Variants in UBE3C observed in about 807,000 individuals in gnomAD.
The protein encoded by UBE3C is ubiquitin-protein ligase E3C.
Under a neutral mutation model 129.4 loss-of-function variants are expected in UBE3C, and 42 were observed. The ratio of observed to expected loss-of-function variants is 0.32; its 90% CI spans 0.25 to 0.42. UBE3C has a LOEUF of 0.42. UBE3C is among the 10% of genes least tolerant of loss of function. The pLI is 1.00. For missense variants in UBE3C, 1,049 were observed against 1,319.1 expected (o/e 0.80, Z 3.17); for synonymous variants, 510 against 492.4 (o/e 1.04, Z -0.47).
At chr7:157,238,567 A>G (rs139589475) in intron 18 of UBE3C, among the ~76,000 whole-genome samples, 1,555 of 152,256 alleles carry the variant, frequency 0.01, 25 homozygotes, top group African/African-American at 0.035. Context: ...CATGCTGACT[A>G]AGCTGGGAAA....
chr7:157,160,090 T>C (rs1808027652), intron 1 of UBE3C, among the ~76,000 whole-genome samples: 1 of 152,066 alleles, frequency 6.6e-6, no homozygotes. Flanking sequence ...CTTTTTTTTT[T>C]CTGAGATGGA....
chr7:157,267,134 C>A (rs4262225), intron 22 of UBE3C, among the ~76,000 whole-genome samples: 6,897 of 152,120 alleles, frequency 0.045, 373 homozygotes, highest in African/African-American at 0.12. Context: ...TTTAAAAAAG[C>A]AAATGTGGGC....
chr7:157,183,867 G>A lies in UBE3C; in HGVS notation c.992-11G>A. 6.2e-7 allele frequency: 1 copy of A among 1,607,280 alleles called. No homozygotes were observed. Among genetic ancestry groups the A allele is most frequent in the South Asian group, 1.1e-5 (1 of 90,672 alleles). ...TAACTAAAATACGTTTTAACTGATTGTTTTGCAAAGGGGCCCTCTCTGAGG... is the reference window on the plus strand; with the variant it reads ...TAACTAAAATACGTTTTAACTGATTATTTTGCAAAGGGGCCCTCTCTGAGG... On this transcript the variant is annotated splice_polypyrimidine_tract_variant and intron_variant, in intron 8 of 22. Transcript: ENST00000348165.
In UBE3C at chr7:157,175,137, C is replaced by CTTTTTTTTTTTTTT. The variant is rs56852731; in HGVS notation, c.458+111_458+124dup. 7.4e-4 allele frequency: 188 copies of CTTTTTTTTTTTTTT among 252,740 alleles called. 5 individuals are homozygous for CTTTTTTTTTTTTTT. Among genetic ancestry groups the CTTTTTTTTTTTTTT allele is most frequent in the Middle Eastern group, 1.2e-3 (1 of 828 alleles). 15.7% of individuals were successfully genotyped at this position (252,740 alleles called of 1,614,324 possible). ...TTTCAGAGACAGTGGCTTTTCCATA[C>CTTTTTTTTTTTTTT]TTTTTTTTTTTTTTTTTTTTTGAGG... is the stretch of plus-strand genomic sequence containing the variant. On this transcript the variant is annotated intron_variant, in intron 5 of 22. Transcript: ENST00000348165.
chr7:157,190,238 A>G (rs1337849245), intron 10 of UBE3C, among the ~76,000 whole-genome samples: 2 of 152,180 alleles, frequency 1.3e-5, no homozygotes, highest in Non-Finnish European at 2.9e-5. Flanking sequence ...TACCTGCTTA[A>G]TAGGAGATGT....
At chr7:157,163,699 T>A in intron 1 of UBE3C, 111 bp from the exon 2 acceptor site, 1 of 1,150,700 alleles carries the variant, frequency 8.7e-7, no homozygotes, top group Non-Finnish European at 1.3e-6. Flanking sequence ...GACAGCTTGT[T>A]TGGATGATCT....
intron 1 of UBE3C, among the ~76,000 whole-genome samples, chr7:157,150,766 A>G (rs73743210): frequency 0.014 from 2,062 of 152,344 alleles, 39 homozygotes; most frequent in African/African-American, 0.047. Flanking sequence ...TGAACAGTAA[A>G]GATAGCTAGT....
chr7:157,172,414 A>G (rs973263565), intron 4 of UBE3C, among the ~76,000 whole-genome samples: 1 of 152,230 alleles, frequency 6.6e-6, no homozygotes, highest in Non-Finnish European at 1.5e-5. Flanking sequence ...GGGAGTATAC[A>G]GTGAAAAATA....
At chr7:157,148,806 C>T (rs915212965) in intron 1 of UBE3C, among the ~76,000 whole-genome samples, 2 of 141,324 alleles carry the variant, frequency 1.4e-5, no homozygotes, top group Non-Finnish European at 3.1e-5. Flanking sequence ...TAGCTATTCA[C>T]AGGCATGATC....
At chr7:157,207,087 T>A (rs1462832259) in intron 11 of UBE3C, among the ~76,000 whole-genome samples, 1 of 152,192 alleles carries the variant, frequency 6.6e-6, no homozygotes, top group Non-Finnish European at 1.5e-5. Flanking sequence ...ATAGTGGCCT[T>A]ATTAGAGCTC....
intron 16 of UBE3C, among the ~76,000 whole-genome samples, chr7:157,225,032 TGAGACA>T (rs769210814): frequency 3.3e-5 from 5 of 152,190 alleles, no homozygotes; most frequent in Non-Finnish European, 5.9e-5. Flanking sequence ...ATTTTATTTT[TGAGACA>T]GAGATTCACT....
chr7:157,140,102 C>A, intron 1 of UBE3C: 1 of 921,728 alleles, frequency 1.1e-6, no homozygotes, highest in Non-Finnish European at 1.3e-6. Flanking sequence ...TGAAGACGGG[C>A]ATCAGTTGGT....
chr7:157,182,283 C>A lies in UBE3C; in HGVS notation c.946C>A (p.Pro316Thr). The change falls in exon 8 of 23, where the codon CCC becomes ACC. Residue 316 changes from proline to threonine, a missense_variant. Physicochemically the swap from Pro to Thr is conservative, Grantham distance 38 (BLOSUM62 -1). This residue lies in a region of UBE3C where 489 missense variants were observed against 513.8 expected (regional missense o/e 0.95). Transcript: ENST00000348165. ...SRCSRKSGGAPWLFYFVLTVG... is the reference protein window; with the variant it reads ...SRCSRKSGGATWLFYFVLTVG... Reference sequence around the variant, plus strand: ...ATGTTCAAGAAAGAGTGGTGGAGCACCCTGGCTTTTCTATTTCGTTTTAAC... The same window carrying A: ...ATGTTCAAGAAAGAGTGGTGGAGCAACCTGGCTTTTCTATTTCGTTTTAAC... 6.2e-7 allele frequency: 1 copy of A among 1,613,816 alleles called. No homozygotes were observed.
chr7:157,157,497 T>C (rs970084350), intron 1 of UBE3C, among the ~76,000 whole-genome samples: 5 of 152,012 alleles, frequency 3.3e-5, no homozygotes, highest in African/African-American at 1.2e-4. Flanking sequence ...GCAGTCACTT[T>C]TCATACATTG....
intron 19 of UBE3C, among the ~76,000 whole-genome samples, chr7:157,249,706 T>TA (rs1563074711): frequency 6.6e-6 from 1 of 152,344 alleles, no homozygotes; most frequent in East Asian, 1.9e-4. Context: ...ATTATATGGA[T>TA]ATACCACAAG....
intron 10 of UBE3C, among the ~76,000 whole-genome samples, chr7:157,194,195 A>G (rs1402383665): frequency 2.0e-5 from 3 of 152,200 alleles, no homozygotes; most frequent in Non-Finnish European, 4.4e-5. Context: ...GCTGTTATAC[A>G]TTATACAGGT....
At chr7:157,214,147 G>A (rs1354931546) in intron 13 of UBE3C, among the ~76,000 whole-genome samples, 2 of 151,696 alleles carry the variant, frequency 1.3e-5, no homozygotes, top group East Asian at 3.9e-4. Context: ...AAGGATCCAT[G>A]GTACTGGCAT....
intron 14 of UBE3C, 173 bp downstream of exon 14, chr7:157,217,144 A>T: frequency 2.0e-6 from 1 of 512,106 alleles, no homozygotes; most frequent in Non-Finnish European, 3.4e-6. Flanking sequence ...TGGAACATAT[A>T]GCAGTATCAT....
intron 4 of UBE3C, among the ~76,000 whole-genome samples, chr7:157,170,670 G>A (rs549571174): frequency 2.6e-5 from 4 of 151,996 alleles, no homozygotes; most frequent in Non-Finnish European, 5.9e-5. Flanking sequence ...AGGCTTTTTC[G>A]TATTTTTTGC....
Sources: gnomAD v4.1 joint callset for allele counts (sites outside exome capture counted in the v4.1 genomes callset) on GRCh38, gnomAD v4.1.1 for gene constraint, gnomAD v4.1.1 regional missense constraint, MANE v1.5 for transcripts, NCBI Gene and HGNC (gene_info 2026-07-23, HGNC 2026-07-21) for gene names.